SNRNP200: variants seen among roughly 807,000 people sequenced by gnomAD.
SNRNP200 encodes small nuclear ribonucleoprotein U5 subunit 200, also known as U5 small nuclear ribonucleoprotein 200 kDa helicase.
In SNRNP200, 66 loss-of-function variants were observed where a neutral mutation model predicts 255.2. That is an observed-to-expected ratio of 0.26 (90% CI 0.21 to 0.32). The LOEUF (loss-of-function observed/expected upper bound fraction) is 0.32. Ranked by LOEUF, SNRNP200 falls within the 10% of genes least tolerant of loss-of-function variation. SNRNP200 has a pLI of 1.00. For missense variants in SNRNP200, 1,585 were observed against 2,749.8 expected (o/e 0.58, Z 9.47); for synonymous variants, 939 against 1,027.8 (o/e 0.91, Z 1.65).
At position 96,287,335 on chromosome 2, in the gene SNRNP200, G is replaced by A; in HGVS notation, c.3484+104C>T. 2 of 1,171,374 alleles carry A rather than the reference G, an allele frequency of 1.7e-6. No individual in the cohort carries two copies. The highest frequency in any genetic ancestry group is 3.4e-5 in the Admixed American group (2 of 59,444). The allele number at this position is 1,171,374 out of a possible 1,614,324, so 72.6% of individuals were successfully genotyped here. On this transcript the variant is annotated intron_variant, in intron 26 of 44. Transcript: ENST00000323853. This position sits in a 1 kb window ranked among gnomAD's most constrained non-coding sequence, Gnocchi z 5.7. ...TGTACTTCAGTGGGACTTGGGGAGTGAACACAGGATACTAATGCACAGGCC... is the reference window on the plus strand; with the variant it reads ...TGTACTTCAGTGGGACTTGGGGAGTAAACACAGGATACTAATGCACAGGCC...
At chr2:96,292,947 G>C (rs751813693) in intron 16 of SNRNP200, 25 bp downstream of exon 16, 1 of 1,613,290 alleles carries the variant, frequency 6.2e-7, no homozygotes, top group South Asian at 1.1e-5. Context: ...TGGGGTTCAA[G>C]AGTAACCATA....
intron 8 of SNRNP200, 60 bp downstream of exon 8, chr2:96,298,543 C>T: frequency 6.2e-7 from 1 of 1,604,042 alleles, no homozygotes; most frequent in East Asian, 2.2e-5. Flanking sequence ...AACAGAATCT[C>T]TATGTCACAC....
rs1573999282 is a variant in SNRNP200 at position 96,297,511 on chromosome 2, T to A, written c.1229A>T (p.Asp410Val). 1.9e-6 allele frequency: 3 copies of A among 1,613,896 alleles called. No homozygotes were observed. Among genetic ancestry groups the A allele is most frequent in the African/African-American group, 1.3e-5 (1 of 74,878 alleles). ...GEALAPRQVL[D>V]LEDLVFTQGS... ...TTGGGTAAAAACCAGGTCCTCCAAG[T>A]CCAGAACCTGCCGTGGAGCCAGTGC... The change falls in exon 11 of 45, where the codon GAC (aspartate) becomes GTC (valine). Residue 410 changes from aspartate to valine, a missense_variant. This residue lies in a region of SNRNP200 where 383 missense variants were observed against 645.3 expected (regional missense o/e 0.59). Coordinates refer to ENST00000323853, the MANE Select transcript of SNRNP200 (RefSeq NM_014014.5).
In SNRNP200 at chr2:96,293,399, G is replaced by A; in HGVS notation, c.1953C>T (p.Leu651=). ...CTTCATAGTTGGGTAGGGTGGCACT[G>A]AGACCAATGAGTCGGACATCCTCTT... ...MTQEDVRLIG[L]SATLPNYEDV... is the part of the protein sequence containing the mutation. The change falls in exon 15 of 45, where the codon CTC becomes CTT. Residue 651 remains leucine, a synonymous_variant. Transcript: ENST00000323853. The A allele has an allele frequency of 6.2e-7, 1 of 1,614,006 alleles. No individual in the cohort carries two copies. The highest frequency in any genetic ancestry group is 8.5e-7 in the Non-Finnish European group (1 of 1,179,996).
At position 96,289,898 on chromosome 2, in the gene SNRNP200, G is replaced by A. The variant is rs1482883766; in HGVS notation, c.2841C>T (p.Pro947=). 4 of 1,613,996 alleles carry A rather than the reference G, an allele frequency of 2.5e-6. No individual in the cohort carries two copies. The highest frequency in any genetic ancestry group is 1.7e-5 in the Admixed American group (1 of 60,006). ...GATCTAGTCGGCGCTGGTCCAGCAG[G>A]GGATCTCCCTTGAGGTCATCATGAG... ...GISHDDLKGD[P]LLDQRRLDLV... is the part of the protein sequence containing the mutation. Residue 947 remains proline, a synonymous_variant, in exon 21 of 45, where the codon CCC becomes CCT. Coordinates refer to ENST00000323853, the MANE Select transcript of SNRNP200 (RefSeq NM_014014.5).
chr2:96,283,187 G>T lies in SNRNP200; in HGVS notation c.4915+14C>A. On this transcript the variant is annotated intron_variant, in intron 34 of 44. Coordinates refer to ENST00000323853, the MANE Select transcript of SNRNP200 (RefSeq NM_014014.5). The surrounding 1 kb of genome is among the most constrained non-coding windows in gnomAD (Gnocchi z 4.7). ...GATACCCTTGCTATGCTCCCCTTCC[G>T]TGGCCTGACTTACCTGAGCTGAAGA... 1 of 1,613,756 alleles carries T rather than the reference G, an allele frequency of 6.2e-7. No homozygotes were observed. Among genetic ancestry groups the T allele is most frequent in the Non-Finnish European group, 8.5e-7 (1 of 1,180,040 alleles).
rs1157822677 is a variant in SNRNP200 at position 96,286,775 on chromosome 2, C to A, written c.3742G>T (p.Asp1248Tyr). The A allele has an allele frequency of 6.2e-7, 1 of 1,614,198 alleles. No homozygotes were observed. Among genetic ancestry groups the A allele is most frequent in the Non-Finnish European group, 8.5e-7 (1 of 1,180,044 alleles). The change falls in exon 28 of 45, where the codon GAC becomes TAC. Residue 1248 changes from aspartate to tyrosine, a missense_variant. This residue lies in a region of SNRNP200 where 719 missense variants were observed against 1,091.1 expected (regional missense o/e 0.66). Transcript: ENST00000323853. The surrounding 1 kb of genome is among the most constrained non-coding windows in gnomAD (Gnocchi z 4.8). ...YFLLKAKYAQ[D>Y]EHLITFFVPV... Reference sequence around the variant, plus strand: ...ACGAAGAATGTAATGAGGTGCTCGTCCTGGGCGTACTTGGCCTTGAGGAGA... The same window carrying A: ...ACGAAGAATGTAATGAGGTGCTCGTACTGGGCGTACTTGGCCTTGAGGAGA...
intron 35 of SNRNP200, among the ~76,000 whole-genome samples, chr2:96,281,001 T>A (rs1004920817): frequency 6.6e-6 from 1 of 151,422 alleles, no homozygotes; most frequent in Non-Finnish European, 1.5e-5. Context: ...TACAGGTGAG[T>A]GGCTTGAATA....
chr2:96,284,618 T>C, intron 30 of SNRNP200, 33 bp from the exon 31 acceptor site: 1 of 1,440,998 alleles, frequency 6.9e-7, no homozygotes, highest in Non-Finnish European at 9.8e-7. Flanking sequence ...AGAACAACAC[T>C]AGGCCATACC....
chr2:96,274,829 C>T lies in SNRNP200; in HGVS notation c.*183G>A. 1.4e-6 allele frequency: 1 copy of T among 692,280 alleles called. No homozygotes were observed. The highest frequency in any genetic ancestry group is 2.6e-6 in the Non-Finnish European group (1 of 385,864). The allele number at this position is 692,280 out of a possible 1,614,324, so 42.9% of individuals were successfully genotyped here. ...TATGATTTATGCTTGACCCATGACA[C>T]CTGCTGTCACTGGATCCAGAGTGAG... On this transcript the variant is annotated 3_prime_UTR_variant, in exon 45 of 45. Coordinates refer to ENST00000323853, the MANE Select transcript of SNRNP200 (RefSeq NM_014014.5).
At position 96,297,504 on chromosome 2, in the gene SNRNP200, C is replaced by G; in HGVS notation, c.1236G>C (p.Glu412Asp). 6.2e-7 allele frequency: 1 copy of G among 1,614,130 alleles called. No individual in the cohort carries two copies. Among genetic ancestry groups the G allele is most frequent in the Non-Finnish European group, 8.5e-7 (1 of 1,179,998 alleles). The stretch of plus-strand genomic sequence containing the variant: ...GGCTCCCTTGGGTAAAAACCAGGTC[C>G]TCCAAGTCCAGAACCTGCCGTGGAG... ...ALAPRQVLDL[E>D]DLVFTQGSHF... Residue 412 changes from glutamate to aspartate, a missense_variant, in exon 11 of 45, where the codon GAG becomes GAC. This residue lies in a region of SNRNP200 where 383 missense variants were observed against 645.3 expected (regional missense o/e 0.59). Transcript: ENST00000323853.
Position 96,275,023 on chromosome 2 carries a change from C to A in SNRNP200, c.6400G>T (p.Asp2134Tyr). 1 of 1,614,184 alleles carries A rather than the reference C, an allele frequency of 6.2e-7. No individual in the cohort carries two copies. Among genetic ancestry groups the A allele is most frequent in the Non-Finnish European group, 8.5e-7 (1 of 1,180,048 alleles). Residue 2134 changes from aspartate to tyrosine, a missense_variant, in exon 45 of 45, where the codon GAT (aspartate) becomes TAT (tyrosine). This residue lies in a region of SNRNP200 where 279 missense variants were observed against 551.2 expected (regional missense o/e 0.51). Transcript: ENST00000323853. Reference sequence around the variant, plus strand: ...AAATGCCTCAGGACTCAATCTGAATCACTGTCTGTCTCAGCTTCTTTCACA... The same window carrying A: ...AAATGCCTCAGGACTCAATCTGAATAACTGTCTGTCTCAGCTTCTTTCACA... ...VDVKEAETDS[D>Y]SD
In SNRNP200 at chr2:96,291,463, T is replaced by C. The variant is rs1469478286; in HGVS notation, c.2350A>G (p.Ile784Val). 1.9e-5 allele frequency: 31 copies of C among 1,613,274 alleles called. No individual in the cohort carries two copies. Among genetic ancestry groups the C allele is most frequent in the African/African-American group, 4.0e-5 (3 of 74,892 alleles). ...ACCCTGGTCATGCCTGCGTGATGAA[T>C]AGCAAAGCCATAAGGCAGAAGATCC... ...LKDLLPYGFA[I>V]HHAGMTRVDR... The change falls in exon 18 of 45, where the codon ATT becomes GTT. Residue 784 changes from isoleucine (I) to valine (V), a missense_variant. Around this residue, in one of 9 missense-constraint regions of SNRNP200, gnomAD observed 140 missense variants for 274.9 expected, o/e 0.51. Transcript: ENST00000323853. This position sits in a 1 kb window ranked among gnomAD's most constrained non-coding sequence, Gnocchi z 4.2.
At chr2:96,305,357 C>A in intron 1 of SNRNP200, 36 bp downstream of exon 1, 1 of 1,614,044 alleles carries the variant, frequency 6.2e-7, no homozygotes, top group Non-Finnish European at 8.5e-7. Context: ...CCATTGGACT[C>A]CTGAGCCTGG....
Position 96,277,312 on chromosome 2 carries a change from G to T in SNRNP200, c.5932-71C>A. On this transcript the variant is annotated intron_variant, in intron 41 of 44. Transcript: ENST00000323853. The surrounding 1 kb of genome is among the most constrained non-coding windows in gnomAD (Gnocchi z 4.4). ...CAGCAAATGACACAGGCAGCAAAGA[G>T]CTACTAATTTTACCTCCTACACTAT... 6.5e-7 allele frequency: 1 copy of T among 1,544,406 alleles called. No homozygotes were observed. The highest frequency in any genetic ancestry group is 8.9e-7 in the Non-Finnish European group (1 of 1,117,498).
In SNRNP200 at chr2:96,293,055, T is replaced by C; in HGVS notation, c.2077A>G (p.Thr693Ala). 1.2e-6 allele frequency: 2 copies of C among 1,614,182 alleles called. No homozygotes were observed. Among genetic ancestry groups the C allele is most frequent in the Non-Finnish European group, 1.7e-6 (2 of 1,179,980 alleles). ...AAACGCTTGATAGCTTTTTTCTCTG[T>C]GATACCCACATATGTCTGTTCCAGA... ...VPLEQTYVGI[T>A]EKKAIKRFQI... The change falls in exon 16 of 45, where the codon ACA (threonine) becomes GCA (alanine). Residue 693 changes from threonine to alanine, a missense_variant. Transcript: ENST00000323853.
chr2:96,289,912 G>A lies in SNRNP200; in HGVS notation c.2827C>T (p.Leu943Phe). ...PTLYGISHDD[L>F]KGDPLLDQRR... is the part of the protein sequence containing the mutation. ...TGGTCCAGCAGGGGATCTCCCTTGA[G>A]GTCATCATGAGAGATGCCATAGAGG... is the stretch of plus-strand genomic sequence containing the variant. The change falls in exon 21 of 45, where the codon CTC becomes TTC. Residue 943 changes from leucine (L) to phenylalanine (F), a missense_variant. Leu to Phe is a conservative substitution (Grantham distance 22, BLOSUM62 0). This residue lies in a region of SNRNP200 where 719 missense variants were observed against 1,091.1 expected (regional missense o/e 0.66). Transcript: ENST00000323853. 1 of 1,614,088 alleles carries A rather than the reference G, an allele frequency of 6.2e-7. No homozygotes were observed.
Position 96,278,134 on chromosome 2 carries a change from G to A in SNRNP200, c.5610+103C>T, listed in dbSNP as rs1333064651. On this transcript the variant is annotated intron_variant, in intron 39 of 44. Coordinates refer to ENST00000323853, the MANE Select transcript of SNRNP200 (RefSeq NM_014014.5). The surrounding 1 kb of genome is among the most constrained non-coding windows in gnomAD (Gnocchi z 6.9). ...CGGGAGGACATATGGCGGGGGTCGGGGGATGCGTATGGGCGTGTTGGTGGC... is the reference window on the plus strand; with the variant it reads ...CGGGAGGACATATGGCGGGGGTCGGAGGATGCGTATGGGCGTGTTGGTGGC... The A allele has an allele frequency of 2.5e-6, 4 of 1,580,252 alleles. No homozygotes were observed. Among genetic ancestry groups the A allele is most frequent in the Admixed American group, 1.7e-5 (1 of 59,936 alleles).
Position 96,277,648 on chromosome 2 carries a change from G to T in SNRNP200, c.5822C>A (p.Ala1941Glu). 1 of 1,614,190 alleles carries T rather than the reference G, an allele frequency of 6.2e-7. No individual in the cohort carries two copies. The change falls in exon 41 of 45, where the codon GCA becomes GAA. Residue 1941 changes from alanine to glutamate, a missense_variant. By Grantham distance (107) the Ala-to-Glu change is moderately radical. Coordinates refer to ENST00000323853, the MANE Select transcript of SNRNP200 (RefSeq NM_014014.5). The surrounding 1 kb of genome is among the most constrained non-coding windows in gnomAD (Gnocchi z 4.4). Reference protein sequence around the residue: ...SSNGWLSPALAAMELAQMVTQ... With the variant: ...SSNGWLSPALEAMELAQMVTQ... ...GACCATCTGGGCCAGTTCCATAGCT[G>T]CCAGAGCAGGGCTGAGCCACCCATT...
Sources: allele counts gnomAD v4.1 joint callset (sites outside exome capture counted in the v4.1 genomes callset), GRCh38; gene constraint gnomAD v4.1.1; regional missense constraint gnomAD v4.1.1; non-coding constraint Gnocchi (gnomAD v3.1); transcripts MANE v1.5; gene names NCBI Gene and HGNC (gene_info 2026-07-23, HGNC 2026-07-21).